AKAP9: variants seen among roughly 807,000 people sequenced by gnomAD.
AKAP9 encodes A-kinase anchoring protein 9, also known as A-kinase anchor protein 9.
AKAP9 carries 311 observed loss-of-function variants against 488.5 expected under a neutral mutation model. The observed-to-expected ratio is 0.64, with a 90% CI of 0.58 to 0.70. The LOEUF is 0.70. AKAP9 is among the 30% of genes least tolerant of loss of function. The probability of loss-of-function intolerance (pLI) is 0.00; values close to 1 mark genes in which losing one functional copy is unlikely to be tolerated. For synonymous variants in AKAP9, 1,462 were observed against 1,483.5 expected (o/e 0.99, Z 0.33); for missense variants, 4,215 against 4,374.5 (o/e 0.96, Z 1.03).
At chr7:92,092,458 A>C (rs907861719) in intron 38 of AKAP9, 3 of 152,106 alleles carry the variant, frequency 2.0e-5, no homozygotes, top group African/African-American at 7.2e-5. Context: ...GGAATTTTTT[A>C]ATGTACATTC....
chr7:92,049,687 G>C (rs902803068), intron 21 of AKAP9, among the ~76,000 whole-genome samples: 1 of 151,840 alleles, frequency 6.6e-6, no homozygotes, highest in Non-Finnish European at 1.5e-5. Context: ...CTATTTTATA[G>C]GATTTTTTTA....
chr7:92,023,414 A>G (rs549911738), intron 14 of AKAP9, among the ~76,000 whole-genome samples: 1 of 152,138 alleles, frequency 6.6e-6, no homozygotes, highest in Admixed American at 6.6e-5. Context: ...CTCATGTTCA[A>G]ATTCACCACG....
chr7:92,078,872 A>G (rs932143599), intron 30 of AKAP9, among the ~76,000 whole-genome samples: 4 of 152,190 alleles, frequency 2.6e-5, no homozygotes, highest in African/African-American at 9.7e-5. Context: ...AGCTTATATT[A>G]CTTTATACTT....
At chr7:91,992,579 G>A (rs944762561) in intron 4 of AKAP9, among the ~76,000 whole-genome samples, 1 of 148,776 alleles carries the variant, frequency 6.7e-6, no homozygotes, top group African/African-American at 2.5e-5. Context: ...CAAGAGAATT[G>A]CTTGAACCCG....
At chr7:92,102,485 T>C (rs71537261) in intron 45 of AKAP9, 109 bp from the exon 46 acceptor site, 62 of 558,368 alleles carry the variant, frequency 1.1e-4, no homozygotes, top group South Asian at 3.3e-4. Flanking sequence ...CTACTACTAC[T>C]ACTACCACCA....
chr7:91,995,089 G>A (rs1200312341), intron 6 of AKAP9, among the ~76,000 whole-genome samples: 1 of 152,064 alleles, frequency 6.6e-6, no homozygotes, highest in African/African-American at 2.4e-5. Flanking sequence ...TTCTGGTATG[G>A]TTTATTTTAG....
At chr7:91,995,869 G>GT (rs982349788) in intron 7 of AKAP9, 69 bp downstream of exon 7, 1,647 of 1,154,728 alleles carry the variant, frequency 1.4e-3, no homozygotes, top group Non-Finnish European at 1.7e-3. Context: ...TATGCAAGTG[G>GT]TTTTTTTTTG....
intron 6 of AKAP9, among the ~76,000 whole-genome samples, chr7:91,995,245 A>T (rs771027256): frequency 1.3e-5 from 2 of 152,230 alleles, no homozygotes; most frequent in Non-Finnish European, 2.9e-5. Flanking sequence ...TACTTAGTGT[A>T]AGGATTCAGG....
At chr7:92,004,272 G>C (rs1177495333) in intron 8 of AKAP9, among the ~76,000 whole-genome samples, 1 of 152,166 alleles carries the variant, frequency 6.6e-6, no homozygotes, top group East Asian at 1.9e-4. Context: ...GCTTAGGATT[G>C]ACTTGGCAAT....
intron 23 of AKAP9, among the ~76,000 whole-genome samples, chr7:92,061,756 G>A (rs2961024): frequency 6.6e-6 from 1 of 151,284 alleles, no homozygotes; most frequent in Non-Finnish European, 1.5e-5. Context: ...AAACTGAAGC[G>A]AAAAGATGTT....
At chr7:92,063,146 T>C (rs2130825947) in intron 24 of AKAP9, among the ~76,000 whole-genome samples, 1 of 152,348 alleles carries the variant, frequency 6.6e-6, no homozygotes, top group African/African-American at 2.4e-5. Flanking sequence ...TTTTTAAATG[T>C]GCCGTTTCAC....
chr7:91,985,849 A>T (rs1394689941), intron 3 of AKAP9, among the ~76,000 whole-genome samples: 1 of 152,148 alleles, frequency 6.6e-6, no homozygotes, highest in Non-Finnish European at 1.5e-5. Context: ...GGGTTTCACC[A>T]TACTGTTCAA....
chr7:92,084,360 A>G (rs531286499), intron 33 of AKAP9, among the ~76,000 whole-genome samples: 6 of 152,230 alleles, frequency 3.9e-5, no homozygotes, highest in South Asian at 4.2e-4. Context: ...TTAGTTTTAA[A>G]TTTCTTTAAA....
Position 92,084,638 on chromosome 7 carries a change from A to G in AKAP9, c.8647-2A>G. On this transcript the variant is annotated splice_acceptor_variant, in intron 33 of 49. Coordinates refer to ENST00000356239, the MANE Select transcript of AKAP9 (RefSeq NM_005751.5). LOFTEE classifies it high-confidence loss of function. ...TATGTACTTTTTGTTTTCTCTAATTAGGGATCCTCAATTCCTGAGCTAGCA... is the reference window on the plus strand; with the variant it reads ...TATGTACTTTTTGTTTTCTCTAATTGGGGATCCTCAATTCCTGAGCTAGCA... The G allele has an allele frequency of 6.2e-7, 1 of 1,603,588 alleles. No homozygotes were observed. Among genetic ancestry groups the G allele is most frequent in the Non-Finnish European group, 8.5e-7 (1 of 1,171,438 alleles).
chr7:92,089,324 G>T (rs1230556315), intron 37 of AKAP9, 61 bp from the exon 38 acceptor site: 1 of 1,578,206 alleles, frequency 6.3e-7, no homozygotes, highest in Non-Finnish European at 8.7e-7. Context: ...AGATTTCTTG[G>T]TTGTTAATTG....
At chr7:92,015,584 G>A (rs1488104527) in intron 10 of AKAP9, among the ~76,000 whole-genome samples, 1 of 151,986 alleles carries the variant, frequency 6.6e-6, no homozygotes, top group Non-Finnish European at 1.5e-5. Flanking sequence ...GGCTGGTCTT[G>A]AACTCCTGAC....
Position 92,062,263 on chromosome 7 carries a change from T to G in AKAP9, c.5765-11T>G. 2 of 1,604,266 alleles carry G rather than the reference T, an allele frequency of 1.2e-6. No homozygotes were observed. Among genetic ancestry groups the G allele is most frequent in the Non-Finnish European group, 1.7e-6 (2 of 1,171,610 alleles). ...ATAATAGTTCTATTTTCTGTTAATTTTGTATTATAGGCGTCATTGATGGCT... is the reference window on the plus strand; with the variant it reads ...ATAATAGTTCTATTTTCTGTTAATTGTGTATTATAGGCGTCATTGATGGCT... On this transcript the variant is annotated splice_polypyrimidine_tract_variant and intron_variant, in intron 23 of 49. Transcript: ENST00000356239.
rs560187315 is a variant in AKAP9 at position 92,079,537 on chromosome 7, C to T, written c.7404C>T (p.Val2468=). The part of the protein sequence containing the change: ...LSKDKPELEV[V]LTEDALKSLE... ...AAGACAAACCTGAACTAGAAGTAGT[C>T]CTTACAGAGGATGCTCTTAAATCCC... is the stretch of plus-strand genomic sequence containing the variant. Residue 2468 remains valine, a synonymous_variant, in exon 31 of 50, where the codon GTC becomes GTT. Transcript: ENST00000356239. 77 of 1,613,780 alleles carry T rather than the reference C, an allele frequency of 4.8e-5. No individual in the cohort carries two copies. In the South Asian group the frequency reaches 8.0e-4, roughly 17 times the overall value.
At position 91,973,943 on chromosome 7, in the gene AKAP9, G is replaced by T. The variant is rs571281120; in HGVS notation, c.281G>T (p.Ser94Ile). 1.9e-6 allele frequency: 3 copies of T among 1,613,900 alleles called. No individual in the cohort carries two copies. In the South Asian group the frequency reaches 3.3e-5, roughly 18 times the overall value. ...ACTCTACATAGTGGAGAAATAACCA[G>T]TCATGAGCAGGGCTTCTCTGTGGAA... ...MRTLHSGEIT[S>I]HEQGFSVELE... is the part of the protein sequence containing the mutation. Residue 94 changes from serine (S) to isoleucine (I), a missense_variant, in exon 2 of 50, where the codon AGT becomes ATT. This residue lies in a region of AKAP9 where 2,361 missense variants were observed against 2,430.0 expected (regional missense o/e 0.97). Coordinates refer to ENST00000356239, the MANE Select transcript of AKAP9 (RefSeq NM_005751.5).
Sources: allele counts gnomAD v4.1 joint callset (sites outside exome capture counted in the v4.1 genomes callset), GRCh38; gene constraint gnomAD v4.1.1; regional missense constraint gnomAD v4.1.1; transcripts MANE v1.5; gene names NCBI Gene and HGNC (gene_info 2026-07-23, HGNC 2026-07-21).